Variants in EDEM3 observed in about 807,000 individuals in gnomAD.
EDEM3 encodes the protein ER degradation-enhancing alpha-mannosidase-like protein 3.
Under a neutral mutation model 110.2 loss-of-function variants are expected in EDEM3, and 60 were observed. The observed-to-expected ratio is 0.54, with a 90% CI of 0.44 to 0.67. EDEM3 has a LOEUF of 0.67. EDEM3 is among the 30% of genes least tolerant of loss of function. EDEM3 has a pLI of 0.00. For missense variants in EDEM3, 996 were observed against 1,121.0 expected, an observed-to-expected ratio of 0.89 and a Z score of 1.59; for synonymous variants, 352 against 382.9, an observed-to-expected ratio of 0.92 and a Z score of 0.94.
At chr1:184,734,466 C>CA in intron 5 of EDEM3, 65 bp downstream of exon 5, 1 of 646,464 alleles carries the variant, frequency 1.5e-6, no homozygotes, top group African/African-American at 2.0e-5. Flanking sequence ...GACTCTGTCT[C>CA]AAAAAATATA....
chr1:184,731,072 G>A (rs1384572831), intron 6 of EDEM3, among the ~76,000 whole-genome samples: 3 of 152,182 alleles, frequency 2.0e-5, no homozygotes, highest in Non-Finnish European at 2.9e-5. Flanking sequence ...TTAGATTTTA[G>A]TGATACTGGT....
chr1:184,754,740 G>C lies in EDEM3; in HGVS notation c.-94C>G. The stretch of plus-strand genomic sequence containing the variant: ...GCCAGGGGGCTGCTAGCCGTGCCGA[G>C]ACGGGGCGGGATGCGGAGTAACACG... On this transcript the variant is annotated 5_prime_UTR_variant, in exon 1 of 20. Coordinates refer to ENST00000318130, the MANE Select transcript of EDEM3 (RefSeq NM_025191.4). 2 of 1,418,576 alleles carry C rather than the reference G, an allele frequency of 1.4e-6. No individual in the cohort carries two copies. Among genetic ancestry groups the C allele is most frequent in the Admixed American group, 3.1e-5 (1 of 32,772 alleles). 87.9% of individuals were successfully genotyped at this position (1,418,576 alleles called of 1,614,324 possible).
Position 184,690,494 on chromosome 1 carries a change from A to G in EDEM3, c.*3569T>C, listed in dbSNP as rs1057392985. The G allele has an allele frequency of 2.0e-5, 3 of 152,622 alleles. No individual in the cohort carries two copies. Among genetic ancestry groups the G allele is most frequent in the African/African-American group, 7.2e-5 (3 of 41,446 alleles). 9.5% of individuals were successfully genotyped at this position (152,622 alleles called of 1,614,324 possible). A position where few individuals can be genotyped will look rare whatever the true frequency, so the allele number is the denominator to read the frequency against. ...ACAGTGATTCTAAAAATTCAAATTA[A>G]AACTAAACTGGAATATTTACATATT... On this transcript the variant is annotated 3_prime_UTR_variant, in exon 20 of 20. Coordinates refer to ENST00000318130, the MANE Select transcript of EDEM3 (RefSeq NM_025191.4).
At chr1:184,745,498 G>C (rs1652380967) in intron 2 of EDEM3, among the ~76,000 whole-genome samples, 1 of 152,034 alleles carries the variant, frequency 6.6e-6, no homozygotes, top group Non-Finnish European at 1.5e-5. Flanking sequence ...ACAACAATAT[G>C]AATGTACTTA....
intron 13 of EDEM3, among the ~76,000 whole-genome samples, chr1:184,715,705 G>A (rs1348724257): frequency 6.6e-6 from 1 of 152,138 alleles, no homozygotes; most frequent in African/African-American, 2.4e-5. Context: ...GCTGTTGTAA[G>A]GATCAAATTA....
chr1:184,752,057 C>A (rs1342932857), intron 1 of EDEM3, among the ~76,000 whole-genome samples: 1 of 152,158 alleles, frequency 6.6e-6, no homozygotes, highest in Non-Finnish European at 1.5e-5. Context: ...CAGGCCAAGT[C>A]GGCTTTTTCT....
chr1:184,735,600 T>C (rs537648000), intron 4 of EDEM3, among the ~76,000 whole-genome samples: 1 of 152,314 alleles, frequency 6.6e-6, no homozygotes, highest in Admixed American at 6.5e-5. Context: ...ACGTAAAAAT[T>C]CTAATTTATA....
chr1:184,694,602 T>A, intron 19 of EDEM3, 130 bp from the exon 20 acceptor site: 1 of 867,956 alleles, frequency 1.2e-6, no homozygotes, highest in South Asian at 2.0e-5. Flanking sequence ...TGCAGAAAGG[T>A]GAGCATCAGC....
intron 18 of EDEM3, among the ~76,000 whole-genome samples, chr1:184,703,906 G>A (rs1310375791): frequency 6.6e-6 from 1 of 152,172 alleles, no homozygotes; most frequent in Non-Finnish European, 1.5e-5. Flanking sequence ...CTGCAAACTA[G>A]AATGGCCATT....
At chr1:184,752,912 T>C (rs16823429) in intron 1 of EDEM3, among the ~76,000 whole-genome samples, 10,900 of 152,226 alleles carry the variant, frequency 0.072, 451 homozygotes, top group African/African-American at 0.12. Context: ...AGTACAGAGA[T>C]AACATATGTA....
chr1:184,734,762 A>G (rs1159313746), intron 4 of EDEM3, 119 bp from the exon 5 acceptor site: 1 of 350,918 alleles, frequency 2.8e-6, no homozygotes. Flanking sequence ...ATACACAAAT[A>G]ATATTTCTAA....
rs78022763 is a variant in EDEM3, at chr1:184,705,833, A to G, written c.2203+810T>C. On this transcript the variant is annotated intron_variant, in intron 18 of 19. Coordinates refer to ENST00000318130, the MANE Select transcript of EDEM3 (RefSeq NM_025191.4). Reference sequence around the variant, plus strand: ...TATTTACTTTAAAACAGAAAAATTTATATTTCCCCTAATAGTCATGGCCTG... The same window carrying G: ...TATTTACTTTAAAACAGAAAAATTTGTATTTCCCCTAATAGTCATGGCCTG... Among the ~76,000 whole-genome samples the G allele has an allele frequency of 4.4e-3, 672 of 152,212 alleles. 3 individuals are homozygous for G. The highest frequency in any genetic ancestry group is 8.2e-3 in the Admixed American group (125 of 15,294).
At chr1:184,709,481 T>G (rs879844421) in intron 16 of EDEM3, among the ~76,000 whole-genome samples, 1 of 152,124 alleles carries the variant, frequency 6.6e-6, no homozygotes, top group East Asian at 1.9e-4. Flanking sequence ...AACAGTGAAG[T>G]AGAAAAAGAA....
At chr1:184,721,512 GA>G (rs1650901138) in intron 8 of EDEM3, 126 bp from the exon 9 acceptor site, 2 of 560,774 alleles carry the variant, frequency 3.6e-6, no homozygotes, top group South Asian at 6.5e-5. Context: ...CACCAGTTTA[GA>G]TTTGCCCTGG....
At position 184,754,649 on chromosome 1, in the gene EDEM3, C is replaced by A. The variant is rs1470534819; in HGVS notation, c.-3G>T. On this transcript the variant is annotated 5_prime_UTR_variant, in exon 1 of 20. Transcript: ENST00000318130. ...CCCCGGCCGCCGGCTTCGCTCATGGCCCCGCGGTTCCGCGCACGCGCAGCT... is the reference window on the plus strand; with the variant it reads ...CCCCGGCCGCCGGCTTCGCTCATGGACCCGCGGTTCCGCGCACGCGCAGCT... 2 of 1,553,658 alleles carry A rather than the reference C, an allele frequency of 1.3e-6. No homozygotes were observed. The highest frequency in any genetic ancestry group is 8.7e-7 in the Non-Finnish European group (1 of 1,151,094).
chr1:184,721,197 T>A, intron 9 of EDEM3, 92 bp downstream of exon 9: 4 of 996,174 alleles, frequency 4.0e-6, no homozygotes, highest in Non-Finnish European at 5.9e-6. Flanking sequence ...TTTTAAAAAT[T>A]ATTTTTACAA....
chr1:184,724,496 A>T (rs1234498742), intron 7 of EDEM3, among the ~76,000 whole-genome samples: 1 of 152,166 alleles, frequency 6.6e-6, no homozygotes, highest in Non-Finnish European at 1.5e-5. Context: ...GTTGTGAACA[A>T]ATTTTTGGCT....
rs1278961142 is a variant in EDEM3, at chr1:184,708,261, CTGT to C, written c.1926_1928del (p.Gln644del). 6.2e-7 allele frequency: 1 copy of C among 1,613,362 alleles called. No homozygotes were observed. Among genetic ancestry groups the C allele is most frequent in the Non-Finnish European group, 8.5e-7 (1 of 1,179,802 alleles). ...TTTGTACAGCTCGTGGAGGCAGCTG[CTGT>C]TCTTTTTGTTGCTGACTTGACAATT... is the stretch of plus-strand genomic sequence containing the variant. On this transcript the variant is annotated inframe_deletion, in exon 17 of 20. Coordinates refer to ENST00000318130, the MANE Select transcript of EDEM3 (RefSeq NM_025191.4).
rs1651023174 is a variant in EDEM3, at chr1:184,723,658, T to A, written c.853+93A>T. ...TCTTGTGAGAACCTATGCTTTATAG[T>A]ATCCCAAAGATTATTTTAACAAATG... On this transcript the variant is annotated intron_variant, in intron 8 of 19. Transcript: ENST00000318130. 5 of 1,014,608 alleles carry A rather than the reference T, an allele frequency of 4.9e-6. No individual in the cohort carries two copies. In the Admixed American group the frequency reaches 1.1e-4, roughly 23 times the overall value. 62.9% of individuals were successfully genotyped at this position (1,014,608 alleles called of 1,614,324 possible).
Sources: allele counts gnomAD v4.1 joint callset (sites outside exome capture counted in the v4.1 genomes callset), GRCh38; gene constraint gnomAD v4.1.1; transcripts MANE v1.5; gene names NCBI Gene and HGNC (gene_info 2026-07-23, HGNC 2026-07-21).